Variants in MYMX observed in about 807,000 individuals in gnomAD.
MYMX encodes protein myomixer.
At chr6:44,217,389 G>GTCC in intron 1 of MYMX, 61 bp from the exon 2 acceptor site, 1 of 398,500 alleles carries the variant, frequency 2.5e-6, no homozygotes, top group East Asian at 3.6e-5. Context: ...CCCACCCCAT[G>GTCC]TCCTTGCCAG....
the MYMX span, among the ~76,000 whole-genome samples, chr6:44,202,532 G>C: frequency 6.6e-6 from 1 of 151,980 alleles, no homozygotes; most frequent in African/African-American, 2.4e-5. Context: ...AGTGCAGGAA[G>C]GATCCATGAC....
upstream of MYMX, among the ~76,000 whole-genome samples, chr6:44,213,321 G>A (rs1469000151): frequency 6.6e-6 from 1 of 151,878 alleles, no homozygotes; most frequent in Non-Finnish European, 1.5e-5. Context: ...GGGAAGCAGA[G>A]GTTGTAGTGA....
the MYMX span, among the ~76,000 whole-genome samples, chr6:44,207,934 GA>G: frequency 1.1e-4 from 16 of 151,312 alleles, no homozygotes; most frequent in African/African-American, 3.4e-4. Flanking sequence ...TACTATTTGA[GA>G]AAAAAAAATT....
the MYMX span, chr6:44,209,668 C>T: frequency 6.6e-6 from 1 of 152,080 alleles, no homozygotes; most frequent in African/African-American, 2.4e-5. Context: ...AATCCCATCA[C>T]TTTGGGAGGC....
the MYMX span, among the ~76,000 whole-genome samples, chr6:44,207,539 G>T: frequency 2.0e-5 from 3 of 150,468 alleles, no homozygotes; most frequent in Non-Finnish European, 4.4e-5. Context: ...CCACAGGAAA[G>T]ATTTTTTTTT....
upstream of MYMX, among the ~76,000 whole-genome samples, chr6:44,215,906 A>ATAT (rs1775838776): frequency 6.6e-6 from 1 of 152,208 alleles, no homozygotes; most frequent in Non-Finnish European, 1.5e-5. Flanking sequence ...AATAATAATA[A>ATAT]TAATAAATAA....
the MYMX span, among the ~76,000 whole-genome samples, chr6:44,201,442 C>T: frequency 1.3e-5 from 2 of 152,224 alleles, no homozygotes; most frequent in Admixed American, 1.3e-4. Flanking sequence ...GTCAGAACTC[C>T]TTGTTTAGGG....
chr6:44,203,828 T>C, the MYMX span, among the ~76,000 whole-genome samples: 3 of 152,214 alleles, frequency 2.0e-5, no homozygotes, highest in South Asian at 6.2e-4. Flanking sequence ...AAGGAACTTA[T>C]GTTTTATTTC....
the MYMX span, among the ~76,000 whole-genome samples, chr6:44,199,757 C>T: frequency 0.024 from 3,666 of 150,834 alleles, 155 homozygotes; most frequent in African/African-American, 0.084. Context: ...GATCACTGTT[C>T]GCTGCAGCCT....
chr6:44,192,762 A>T, the MYMX span, among the ~76,000 whole-genome samples: 2 of 152,006 alleles, frequency 1.3e-5, no homozygotes, highest in Non-Finnish European at 2.9e-5. Context: ...CTTTTCACAC[A>T]TTGGCCAAGT....
chr6:44,201,726 A>G, the MYMX span, among the ~76,000 whole-genome samples: 20 of 152,236 alleles, frequency 1.3e-4, no homozygotes, highest in East Asian at 3.7e-3. Flanking sequence ...TTTATGAGAC[A>G]CCTACCTGGT....
At chr6:44,211,468 T>C in the MYMX span, among the ~76,000 whole-genome samples, 13 of 152,104 alleles carry the variant, frequency 8.5e-5, no homozygotes, top group Non-Finnish European at 1.2e-4. Flanking sequence ...GGGAGGTGCA[T>C]GGGGAAAGGG....
upstream of MYMX, among the ~76,000 whole-genome samples, chr6:44,212,419 T>TAAAC (rs748481194): frequency 1.0e-3 from 155 of 150,314 alleles, no homozygotes; most frequent in Non-Finnish European, 1.7e-3. Flanking sequence ...AATAAATAAA[T>TAAAC]AAATAAATAA....
the MYMX span, among the ~76,000 whole-genome samples, chr6:44,205,073 T>G: frequency 6.6e-6 from 1 of 152,124 alleles, no homozygotes; most frequent in Admixed American, 6.6e-5. Context: ...AGACACACTT[T>G]CAAATCTGAC....
the MYMX span, among the ~76,000 whole-genome samples, chr6:44,202,633 C>T: frequency 6.6e-6 from 1 of 152,074 alleles, no homozygotes; most frequent in African/African-American, 2.4e-5. Context: ...CTGAGGAAAT[C>T]CACAGCAGCT....
At chr6:44,216,347 A>G (rs563811319), upstream of MYMX, among the ~76,000 whole-genome samples, 1 of 152,342 alleles carries the variant, frequency 6.6e-6, no homozygotes, top group Non-Finnish European at 1.5e-5. Context: ...TTAAGGAAAC[A>G]CAATTAGAAA....
At chr6:44,199,885 A>T in the MYMX span, among the ~76,000 whole-genome samples, 3 of 152,036 alleles carry the variant, frequency 2.0e-5, no homozygotes, top group Non-Finnish European at 4.4e-5. Context: ...GGGTTTTGCC[A>T]TGTTACCCAG....
At chr6:44,200,688 C>G in the MYMX span, among the ~76,000 whole-genome samples, 1 of 152,068 alleles carries the variant, frequency 6.6e-6, no homozygotes, top group Non-Finnish European at 1.5e-5. Context: ...ATCAGATATG[C>G]TAGGCATGTC....
chr6:44,205,516 T>TA, the MYMX span, among the ~76,000 whole-genome samples: 1 of 151,270 alleles, frequency 6.6e-6, no homozygotes, highest in Admixed American at 6.6e-5. Context: ...AATAAATAAA[T>TA]ACAAAAATTA....
Sources: gnomAD v4.1 joint callset for allele counts (sites outside exome capture counted in the v4.1 genomes callset) on GRCh38, gnomAD v4.1.1 for gene constraint, MANE v1.5 for transcripts, NCBI Gene and HGNC (gene_info 2026-07-23, HGNC 2026-07-21) for gene names.